TM2D1: variants seen among roughly 807,000 people sequenced by gnomAD.
The protein encoded by TM2D1 is TM2 domain containing 1.
TM2D1 carries 15 observed loss-of-function variants against 28.4 expected under a neutral mutation model. The observed-to-expected ratio is 0.53, with a 90% CI of 0.35 to 0.81. The LOEUF (loss-of-function observed/expected upper bound fraction) is 0.81. TM2D1 is among the 40% of genes least tolerant of loss of function. The pLI is 0.01. For synonymous variants in TM2D1, 93 were observed against 96.2 expected (o/e 0.97, Z 0.20); for missense variants, 236 against 254.9 (o/e 0.93, Z 0.50).
intron 1 of TM2D1, chr1:61,724,151 G>A (rs1644588211): frequency 6.5e-6 from 1 of 154,506 alleles, no homozygotes; most frequent in South Asian, 2.0e-4. Context: ...GTTGCAAAGT[G>A]CAACAGAAAT....
intron 3 of TM2D1, among the ~76,000 whole-genome samples, chr1:61,706,834 A>AAAAGAAAGAAACAAAGAAAG (rs1553142358): frequency 1.4e-5 from 2 of 146,376 alleles, no homozygotes; most frequent in Admixed American, 7.1e-5. Context: ...TGTCTTAAAA[A>AAAAGAAAGAAACAAAGAAAG]AAAGAAAGAA....
intron 3 of TM2D1, among the ~76,000 whole-genome samples, chr1:61,708,972 G>A (rs1157557304): frequency 3.9e-5 from 6 of 152,026 alleles, no homozygotes; most frequent in Admixed American, 2.0e-4. Flanking sequence ...CGAGACCAGC[G>A]CTGGGAAACA....
At chr1:61,694,867 C>A (rs1557528593) in intron 4 of TM2D1, 97 bp from the exon 5 acceptor site, 100 of 574,486 alleles carry the variant, frequency 1.7e-4, no homozygotes, top group Middle Eastern at 3.7e-4. Flanking sequence ...ATATATATAT[C>A]ACACTCTTTA....
At chr1:61,717,323 G>A (rs573285716) in intron 2 of TM2D1, among the ~76,000 whole-genome samples, 14 of 151,626 alleles carry the variant, frequency 9.2e-5, no homozygotes, top group South Asian at 2.1e-4. Context: ...AGCCGAGATA[G>A]TGCCACTGCA....
At chr1:61,708,344 T>C (rs145484872) in intron 3 of TM2D1, among the ~76,000 whole-genome samples, 3 of 152,324 alleles carry the variant, frequency 2.0e-5, no homozygotes, top group African/African-American at 7.2e-5. Context: ...GCCACCACTC[T>C]AGGCCTAAAA....
chr1:61,689,320 A>C (rs1464831461), intron 5 of TM2D1, among the ~76,000 whole-genome samples: 1 of 152,104 alleles, frequency 6.6e-6, no homozygotes, highest in African/African-American at 2.4e-5. Flanking sequence ...AAAAATTAAG[A>C]AAAGTGTTTA....
In TM2D1 at chr1:61,694,609, G is replaced by A. The variant is rs560439870; in HGVS notation, c.513+88C>T. On this transcript the variant is annotated intron_variant, in intron 5 of 6. Transcript: ENST00000606498. ...AACAACCATTCTTCTCTGCTTCCTC[G>A]TATACTAAACATTTTAAATAGAACA... The A allele has an allele frequency of 6.8e-5, 58 of 848,010 alleles. 1 individual carries two copies. In the South Asian group the frequency reaches 9.5e-4, roughly 14 times the overall value. The allele number at this position is 848,010 out of a possible 1,614,324, so 52.5% of individuals were successfully genotyped here.
chr1:61,715,435 T>A (rs1379407948), intron 2 of TM2D1, among the ~76,000 whole-genome samples: 1 of 150,990 alleles, frequency 6.6e-6, no homozygotes, highest in Non-Finnish European at 1.5e-5. Context: ...ATCACTTGAG[T>A]CCAGGAATTC....
chr1:61,716,180 A>T (rs997294353), intron 2 of TM2D1, among the ~76,000 whole-genome samples: 1 of 151,048 alleles, frequency 6.6e-6, no homozygotes, highest in Non-Finnish European at 1.5e-5. Flanking sequence ...TTAGCCAGGC[A>T]TGGTGGCATG....
At chr1:61,701,913 G>A (rs904241754) in intron 3 of TM2D1, among the ~76,000 whole-genome samples, 1 of 152,112 alleles carries the variant, frequency 6.6e-6, no homozygotes, top group Non-Finnish European at 1.5e-5. Flanking sequence ...ACTCCAAGAC[G>A]GGCGCGGTGG....
chr1:61,713,121 G>C lies in TM2D1; in HGVS notation c.239-3684C>G, dbSNP rs1308873262. Among the ~76,000 whole-genome samples, 7 of 149,586 alleles carry C rather than the reference G, an allele frequency of 4.7e-5. No homozygotes were observed. In the Admixed American group the frequency reaches 4.7e-4, roughly 10 times the overall value. On this transcript the variant is annotated intron_variant, in intron 2 of 6. Coordinates refer to ENST00000606498, the MANE Select transcript of TM2D1 (RefSeq NM_032027.3). ...GGAGGCAGAGGTTGTAGTGAGTTGAGATTGCGCCACTGCACTTCAGCCAGG... is the reference window on the plus strand; with the variant it reads ...GGAGGCAGAGGTTGTAGTGAGTTGACATTGCGCCACTGCACTTCAGCCAGG...
In TM2D1 at chr1:61,691,917, A is replaced by C. The variant is rs529702877; in HGVS notation, c.513+2780T>G. Reference sequence around the variant, plus strand: ...GCGACGAAAACTCCATCTCAAAAAAAACTTAAAAAAAAAAAATATATATAT... The same window carrying C: ...GCGACGAAAACTCCATCTCAAAAAACACTTAAAAAAAAAAAATATATATAT... On this transcript the variant is annotated intron_variant, in intron 5 of 6. Coordinates refer to ENST00000606498, the MANE Select transcript of TM2D1 (RefSeq NM_032027.3). 5.9e-4 allele frequency among the ~76,000 whole-genome samples: 45 copies of C among 76,534 alleles called. 1 individual carries two copies. The South Asian group carries it at 9.5e-3, about 16-fold the overall frequency. 50.2% of individuals were successfully genotyped at this position (76,534 alleles called of 152,430 possible).
At chr1:61,687,060 C>T in intron 5 of TM2D1, 1 of 831,748 alleles carries the variant, frequency 1.2e-6, no homozygotes, top group Non-Finnish European at 1.5e-6. Context: ...TATCCTGAAG[C>T]TGGCTGGGCA....
intron 5 of TM2D1, among the ~76,000 whole-genome samples, chr1:61,693,579 T>C (rs150996643): frequency 1.3e-5 from 2 of 152,302 alleles, no homozygotes; most frequent in Non-Finnish European, 2.9e-5. Context: ...TAGGCATATG[T>C]TTACGAGTAC....
At chr1:61,685,513 C>T (rs1644278812) in intron 5 of TM2D1, among the ~76,000 whole-genome samples, 1 of 152,118 alleles carries the variant, frequency 6.6e-6, no homozygotes, top group Non-Finnish European at 1.5e-5. Flanking sequence ...TACTTAATTC[C>T]TGTGATATTC....
intron 5 of TM2D1, among the ~76,000 whole-genome samples, chr1:61,688,991 C>T (rs1234396141): frequency 2.0e-5 from 3 of 152,186 alleles, no homozygotes; most frequent in East Asian, 1.9e-4. Context: ...GAGCTGAGAT[C>T]GTGCCACTGC....
chr1:61,724,827 G>A, intron 1 of TM2D1, 130 bp downstream of exon 1: 1 of 1,045,454 alleles, frequency 9.6e-7, no homozygotes, highest in Non-Finnish European at 1.3e-6. Context: ...GGATCCTTCA[G>A]TCATTAGAAG....
At position 61,691,943 on chromosome 1, in the gene TM2D1, A is replaced by ATATATATATATATATATATATG. The variant is rs1557527359; in HGVS notation, c.513+2753_513+2754insCATATATATATATATATATATA. Reference sequence around the variant, plus strand: ...ACTTAAAAAAAAAAAATATATATATATATATATATATATATATGTATATAT... The same window carrying ATATATATATATATATATATATG: ...ACTTAAAAAAAAAAAATATATATATATATATATATATATATATATATGTATATATATATATATATGTATATAT... On this transcript the variant is annotated intron_variant, in intron 5 of 6. Transcript: ENST00000606498. Among the ~76,000 whole-genome samples, 8 of 127,044 alleles carry ATATATATATATATATATATATG rather than the reference A, an allele frequency of 6.3e-5. 1 individual carries two copies. The East Asian group carries it at 2.1e-3, about 33-fold the overall frequency. 83.3% of individuals were successfully genotyped at this position (127,044 alleles called of 152,430 possible).
rs548220422 is a variant in TM2D1 at position 61,691,745 on chromosome 1, G to A, written c.513+2952C>T. On this transcript the variant is annotated intron_variant, in intron 5 of 6. Transcript: ENST00000606498. The stretch of plus-strand genomic sequence containing the variant: ...GGCCTGACCAACATGGAGAAACCCC[G>A]TCTCTACTAAAAATATAAAATTAGC... Among the ~76,000 whole-genome samples, 9 of 148,258 alleles carry A rather than the reference G, an allele frequency of 6.1e-5. No individual in the cohort carries two copies. The South Asian group carries it at 8.6e-4, about 14-fold the overall frequency.
Sources: gnomAD v4.1 joint callset for allele counts (sites outside exome capture counted in the v4.1 genomes callset) on GRCh38, gnomAD v4.1.1 for gene constraint, MANE v1.5 for transcripts, NCBI Gene and HGNC (gene_info 2026-07-23, HGNC 2026-07-21) for gene names.